The following TUBGCP3 variants were observed in gnomAD, a reference collection of about 807,000 sequenced individuals.
TUBGCP3 encodes tubulin gamma complex component 3.
In TUBGCP3, 50 loss-of-function variants were observed where a neutral mutation model predicts 123.1. That is an observed-to-expected ratio of 0.41 (90% confidence interval 0.32 to 0.51). TUBGCP3 has a LOEUF of 0.51. TUBGCP3 is among the 20% of genes least tolerant of loss of function. The pLI is 0.36. For synonymous variants in TUBGCP3, 405 were observed against 413.9 expected, an observed-to-expected ratio of 0.98 and a Z score of 0.26; for missense variants, 882 against 1,127.0, an observed-to-expected ratio of 0.78 and a Z score of 3.11.
rs111388919 is a variant in TUBGCP3, at chr13:112,578,833, C to T, written c.76+9072G>A. 4.6e-3 allele frequency among the ~76,000 whole-genome samples: 708 copies of T among 152,258 alleles called. 7 individuals are homozygous for T. Among genetic ancestry groups the T allele is most frequent in the African/African-American group, 0.016 (648 of 41,550 alleles). On this transcript the variant is annotated intron_variant, in intron 1 of 21. Transcript: ENST00000261965. ...TTCTCATTCCTTCGACTCCACCAGACTTCGTCACCCCCACGACCTGGTGTT... is the reference window on the plus strand; with the variant it reads ...TTCTCATTCCTTCGACTCCACCAGATTTCGTCACCCCCACGACCTGGTGTT...
intron 20 of TUBGCP3, among the ~76,000 whole-genome samples, chr13:112,496,154 C>G (rs1472039265): frequency 6.6e-6 from 1 of 152,100 alleles, no homozygotes; most frequent in Non-Finnish European, 1.5e-5. Context: ...CCAATGTTTT[C>G]AACACTGGAG....
chr13:112,584,914 C>A (rs1343170483), intron 1 of TUBGCP3, among the ~76,000 whole-genome samples: 1 of 152,142 alleles, frequency 6.6e-6, no homozygotes, highest in East Asian at 1.9e-4. Context: ...GACTGGCTGG[C>A]AGTATGTGTT....
intron 14 of TUBGCP3, among the ~76,000 whole-genome samples, chr13:112,520,527 C>T (rs112898079): frequency 1.3e-5 from 2 of 150,806 alleles, no homozygotes; most frequent in Non-Finnish European, 3.0e-5. Flanking sequence ...GAGACTCCAT[C>T]TCAAAAAAAA....
chr13:112,487,693 C>A (rs1566524109), intron 21 of TUBGCP3, among the ~76,000 whole-genome samples: 2 of 152,198 alleles, frequency 1.3e-5, no homozygotes, highest in African/African-American at 2.4e-5. Flanking sequence ...AACAGGGATG[C>A]CTGTTCACGG....
intron 1 of TUBGCP3, among the ~76,000 whole-genome samples, chr13:112,587,606 GC>G (rs1441992336): frequency 6.6e-6 from 1 of 152,178 alleles, no homozygotes; most frequent in African/African-American, 2.4e-5. Context: ...GACTCAGCCC[GC>G]TCCGGCTCGG....
At chr13:112,526,248 A>AT (rs1877068148) in intron 13 of TUBGCP3, among the ~76,000 whole-genome samples, 1 of 139,052 alleles carries the variant, frequency 7.2e-6, no homozygotes, top group Admixed American at 7.3e-5. Context: ...TATCACTATC[A>AT]TTACACCATC....
intron 8 of TUBGCP3, among the ~76,000 whole-genome samples, chr13:112,553,283 G>A (rs1287374290): frequency 1.3e-5 from 2 of 152,100 alleles, no homozygotes; most frequent in East Asian, 1.9e-4. Flanking sequence ...CATCAGTCAC[G>A]CTCCTACTCA....
At chr13:112,565,240 A>G (rs2139259029) in intron 2 of TUBGCP3, 62 bp from the exon 3 acceptor site, 1 of 1,429,960 alleles carries the variant, frequency 7.0e-7, no homozygotes, top group South Asian at 1.2e-5. Context: ...TTCTTATGAT[A>G]CTATTTCACC....
Position 112,547,760 on chromosome 13 carries a change from A to T in TUBGCP3, c.1036-8T>A. 8.9e-6 allele frequency: 13 copies of T among 1,458,726 alleles called. No individual in the cohort carries two copies. The highest frequency in any genetic ancestry group is 1.2e-5 in the Non-Finnish European group (13 of 1,101,254). The allele number at this position is 1,458,726 out of a possible 1,614,324, so 90.4% of individuals were successfully genotyped here. ...GTCATCCTCTAGTTGTAGCTAAAAAACAATAAAGATAGAAATGTTTAAGTA... is the reference window on the plus strand; with the variant it reads ...GTCATCCTCTAGTTGTAGCTAAAAATCAATAAAGATAGAAATGTTTAAGTA... On this transcript the variant is annotated splice_region_variant and splice_polypyrimidine_tract_variant and intron_variant, in intron 9 of 21. Coordinates refer to ENST00000261965, the MANE Select transcript of TUBGCP3 (RefSeq NM_006322.6).
rs560115756 is a variant in TUBGCP3, at chr13:112,522,439, G to A, written c.1626C>T (p.Ser542=). Residue 542 remains serine (S), a synonymous_variant, in exon 14 of 22, where the codon AGC becomes AGT. Coordinates refer to ENST00000261965, the MANE Select transcript of TUBGCP3 (RefSeq NM_006322.6). ...GKIDAAYFET[S]KYLLDVLNKK... The stretch of plus-strand genomic sequence containing the variant: ...TATTGAGAACATCCAACAGGTATTT[G>A]CTGGTCTCAAAATAAGCAGCATCAA... The A allele has an allele frequency of 7.4e-4, 1,188 of 1,614,080 alleles. 12 individuals carry two copies. In the South Asian group the frequency reaches 0.012, roughly 17 times the overall value.
At position 112,558,223 on chromosome 13, in the gene TUBGCP3, G is replaced by A. The variant is rs768982243; in HGVS notation, c.521C>T (p.Ala174Val). 8 of 1,611,838 alleles carry A rather than the reference G, an allele frequency of 5.0e-6. No homozygotes were observed. The highest frequency in any genetic ancestry group is 2.2e-5 in the East Asian group (1 of 44,856). ...SIGLCALSGP[A>V]PAPQSLLPGQ... ...TGGGAGGAGAGATTGTGGCGCAGGC[G>A]CGGGGCCACTGAGGGCACACAGGCC... is the stretch of plus-strand genomic sequence containing the variant. Residue 174 changes from alanine to valine, a missense_variant, in exon 5 of 22, where the codon GCG (alanine) becomes GTG (valine). Physicochemically the swap from Ala to Val is moderately conservative, Grantham distance 64. Coordinates refer to ENST00000261965, the MANE Select transcript of TUBGCP3 (RefSeq NM_006322.6).
intron 11 of TUBGCP3, among the ~76,000 whole-genome samples, chr13:112,539,630 C>T (rs1461978652): frequency 6.6e-6 from 1 of 152,196 alleles, no homozygotes; most frequent in East Asian, 1.9e-4. Flanking sequence ...TCCTAGAGCT[C>T]TATCTAATCT....
At chr13:112,534,914 C>T (rs1205397717) in intron 11 of TUBGCP3, among the ~76,000 whole-genome samples, 1 of 152,222 alleles carries the variant, frequency 6.6e-6, no homozygotes, top group Non-Finnish European at 1.5e-5. Context: ...GAGAGAAACT[C>T]CGTACCCATT....
chr13:112,505,217 T>C, intron 17 of TUBGCP3, among the ~76,000 whole-genome samples: 1 of 152,186 alleles, frequency 6.6e-6, no homozygotes, highest in East Asian at 1.9e-4. Context: ...TTTTATCCTT[T>C]AGGAGATCAC....
intron 11 of TUBGCP3, among the ~76,000 whole-genome samples, chr13:112,544,233 C>T (rs1463564185): frequency 6.6e-6 from 1 of 152,062 alleles, no homozygotes; most frequent in Admixed American, 6.5e-5. Context: ...GCGGGCAGAT[C>T]ACAAGGTCAG....
At chr13:112,599,161 G>A in the TUBGCP3 span, among the ~76,000 whole-genome samples, 1 of 152,216 alleles carries the variant, frequency 6.6e-6, no homozygotes, top group Non-Finnish European at 1.5e-5. Flanking sequence ...GGTGCATACT[G>A]TCAACACGAC....
At chr13:112,583,136 T>C (rs1882387494) in intron 1 of TUBGCP3, among the ~76,000 whole-genome samples, 1 of 152,204 alleles carries the variant, frequency 6.6e-6, no homozygotes, top group Admixed American at 6.5e-5. Flanking sequence ...AGTTTTCTCA[T>C]CTAGAAAATG....
intron 1 of TUBGCP3, among the ~76,000 whole-genome samples, chr13:112,573,592 A>G (rs1881583415): frequency 6.6e-6 from 1 of 152,210 alleles, no homozygotes; most frequent in South Asian, 2.1e-4. Context: ...CCCTCAGTAC[A>G]AGGGATCTGG....
chr13:112,553,632 T>C (rs1445133183), intron 8 of TUBGCP3, among the ~76,000 whole-genome samples: 1 of 152,204 alleles, frequency 6.6e-6, no homozygotes, highest in African/African-American at 2.4e-5. Flanking sequence ...GCTTCGGCAG[T>C]GTTCCCAAAT....
Sources: gnomAD v4.1 joint callset for allele counts (sites outside exome capture counted in the v4.1 genomes callset) on GRCh38, gnomAD v4.1.1 for gene constraint, MANE v1.5 for transcripts, NCBI Gene and HGNC (gene_info 2026-07-23, HGNC 2026-07-21) for gene names.